SLIT2: variants seen among roughly 807,000 people sequenced by gnomAD.
SLIT2 encodes slit homolog 2 protein.
Under a neutral mutation model 185.7 loss-of-function variants are expected in SLIT2, and 41 were observed. That is an observed-to-expected ratio of 0.22 (90% confidence interval 0.17 to 0.29). SLIT2 has a LOEUF of 0.29. Ranked by LOEUF, SLIT2 falls within the 10% of genes least tolerant of loss-of-function variation. The probability of loss-of-function intolerance (pLI) is 1.00; values close to 1 mark genes in which losing one functional copy is unlikely to be tolerated. For synonymous variants in SLIT2, 693 were observed against 680.2 expected (o/e 1.02, Z -0.29); for missense variants, 1,571 against 1,909.0 (o/e 0.82, Z 3.30).
Position 20,447,433 on chromosome 4 carries a change from G to C in SLIT2, c.396-20319G>C, listed in dbSNP as rs1158052554. Among the ~76,000 whole-genome samples the C allele has an allele frequency of 2.0e-5, 3 of 152,260 alleles. No homozygotes were observed. The East Asian group carries it at 5.8e-4, about 29-fold the overall frequency. On this transcript the variant is annotated intron_variant, in intron 4 of 36. Transcript: ENST00000504154. The stretch of plus-strand genomic sequence containing the variant: ...GCCCTGAGTTATAATAGCAGGAGTA[G>C]CTTTATTTCAAAAGAGGCCATTGTT...
At chr4:20,300,842 G>A (rs550181805) in intron 4 of SLIT2, among the ~76,000 whole-genome samples, 27 of 151,676 alleles carry the variant, frequency 1.8e-4, no homozygotes, top group Non-Finnish European at 3.4e-4. Flanking sequence ...CTAGAGCTTC[G>A]TTTGAGTATG....
chr4:20,463,448 G>GATAGATATATATATAT (rs1459962322), intron 4 of SLIT2, among the ~76,000 whole-genome samples: 62 of 67,230 alleles, frequency 9.2e-4, no homozygotes, highest in Non-Finnish European at 1.5e-3. Flanking sequence ...CTCAAACTGT[G>GATAGATATATATATAT]ATATATATAT....
At chr4:20,606,481 CAAA>C (rs35581868) in intron 33 of SLIT2, among the ~76,000 whole-genome samples, 1 of 142,680 alleles carries the variant, frequency 7.0e-6, no homozygotes, top group Non-Finnish European at 1.5e-5. Context: ...GACTCTGTCT[CAAA>C]AAAAAAAAAG....
At position 20,484,011 on chromosome 4, in the gene SLIT2, A is replaced by G. The variant is rs746792375; in HGVS notation, c.540-2189A>G. On this transcript the variant is annotated intron_variant, in intron 6 of 36. Transcript: ENST00000504154. The surrounding 1 kb of genome is among the most constrained non-coding windows in gnomAD (Gnocchi z 4.3). ...CAGCATCAGTACAGAATAAAATACT[A>G]AGATAATGTATTCCTTTAGTTGCAT... 3.3e-5 allele frequency among the ~76,000 whole-genome samples: 5 copies of G among 152,114 alleles called. No homozygotes were observed. The highest frequency in any genetic ancestry group is 5.9e-5 in the Non-Finnish European group (4 of 67,986).
At chr4:20,325,557 T>A (rs546398582) in intron 4 of SLIT2, among the ~76,000 whole-genome samples, 50 of 152,142 alleles carry the variant, frequency 3.3e-4, no homozygotes, top group African/African-American at 1.2e-3. Context: ...ATTCTTATAT[T>A]CTTACAAATT....
At chr4:20,329,004 G>T (rs139187522) in intron 4 of SLIT2, among the ~76,000 whole-genome samples, 80 of 152,172 alleles carry the variant, frequency 5.3e-4, no homozygotes, top group African/African-American at 1.9e-3. Flanking sequence ...TGTTAATCAA[G>T]TTATGGAAGC....
intron 3 of SLIT2, among the ~76,000 whole-genome samples, chr4:20,268,071 C>G (rs1001070683): frequency 6.6e-6 from 1 of 151,920 alleles, no homozygotes. Context: ...TATTTACCCA[C>G]TCTTTCTTTA....
intron 7 of SLIT2, 81 bp downstream of exon 7, chr4:20,486,352 C>G (rs76469534): frequency 0.11 from 91,279 of 815,764 alleles, 5,685 homozygotes; most frequent in Non-Finnish European, 0.13. Context: ...AAGCAAAGGA[C>G]AGGACCACTG....
At chr4:20,614,826 A>G (rs1729529680) in intron 34 of SLIT2, 1 of 152,182 alleles carries the variant, frequency 6.6e-6, no homozygotes, top group Non-Finnish European at 1.5e-5. Flanking sequence ...TTGTCAATGA[A>G]GACCTAGCAC....
chr4:20,603,450 TATTAA>T (rs1163849689), intron 33 of SLIT2, among the ~76,000 whole-genome samples: 5 of 152,078 alleles, frequency 3.3e-5, no homozygotes. Context: ...AGGGCTGGAG[TATTAA>T]ATTTTTATTC....
chr4:20,262,516 T>C (rs1012427434), intron 3 of SLIT2, among the ~76,000 whole-genome samples: 3 of 151,872 alleles, frequency 2.0e-5, no homozygotes, highest in Non-Finnish European at 2.9e-5. Context: ...CTTAACAGAA[T>C]GACAGTCTAA....
chr4:20,462,143 A>AAC (rs61658384), intron 4 of SLIT2, among the ~76,000 whole-genome samples: 19,869 of 152,124 alleles, frequency 0.13, 1,436 homozygotes, highest in Middle Eastern at 0.22. Flanking sequence ...ACTGGAAATT[A>AAC]ACACCTTTCC....
intron 2 of SLIT2, among the ~76,000 whole-genome samples, chr4:20,257,385 C>A (rs1711959695): frequency 1.3e-5 from 2 of 151,994 alleles, no homozygotes; most frequent in African/African-American, 4.8e-5. Flanking sequence ...ATTGACATCC[C>A]AGTAGCCATA....
chr4:20,552,322 G>A (rs565978960), intron 25 of SLIT2: 3 of 151,646 alleles, frequency 2.0e-5, no homozygotes, highest in East Asian at 3.9e-4. Context: ...GTGAGAGCAA[G>A]TAGAGTCTTC....
At chr4:20,574,786 C>CAA (rs57022828) in intron 29 of SLIT2, among the ~76,000 whole-genome samples, 1,507 of 86,088 alleles carry the variant, frequency 0.018, 47 homozygotes, top group African/African-American at 0.063. Context: ...GACTCGCTTT[C>CAA]AAAAAAAAAA....
At chr4:20,490,107 A>AACAT (rs1553911981) in intron 8 of SLIT2, among the ~76,000 whole-genome samples, 16 of 151,626 alleles carry the variant, frequency 1.1e-4, no homozygotes, top group Middle Eastern at 7.0e-3. Flanking sequence ...ATAAATCAAT[A>AACAT]AAATAAATAA....
At chr4:20,549,269 A>C (rs953417259) in intron 24 of SLIT2, 141 bp downstream of exon 24, 1 of 563,530 alleles carries the variant, frequency 1.8e-6, no homozygotes. Context: ...TAGGAAATAG[A>C]AAAATCATTT....
At chr4:20,429,789 A>C (rs1728832262) in intron 4 of SLIT2, among the ~76,000 whole-genome samples, 1 of 152,178 alleles carries the variant, frequency 6.6e-6, no homozygotes, top group Non-Finnish European at 1.5e-5. Context: ...GTTGTATCTG[A>C]GTAACAGAAA....
intron 5 of SLIT2, among the ~76,000 whole-genome samples, chr4:20,478,859 A>C (rs566357080): frequency 6.6e-6 from 1 of 152,304 alleles, no homozygotes; most frequent in African/African-American, 2.4e-5. Context: ...TATTAACTTA[A>C]TTGTTAAATG....
Sources: allele counts gnomAD v4.1 joint callset (sites outside exome capture counted in the v4.1 genomes callset), GRCh38; gene constraint gnomAD v4.1.1; non-coding constraint Gnocchi (gnomAD v3.1); transcripts MANE v1.5; gene names NCBI Gene and HGNC (gene_info 2026-07-23, HGNC 2026-07-21).